The following PDZRN4 variants were observed in gnomAD, a reference collection of about 807,000 sequenced individuals.
PDZRN4 encodes the protein PDZ domain-containing RING finger protein 4.
PDZRN4 carries 70 observed loss-of-function variants against 99.0 expected under a neutral mutation model. The observed-to-expected ratio is 0.71, with a 90% CI of 0.58 to 0.86. The LOEUF is 0.86. Among genes scored for constraint, PDZRN4 ranks in the 40% least tolerant of loss-of-function variants. The pLI is 0.00. For synonymous variants in PDZRN4, 551 were observed against 501.6 expected, an observed-to-expected ratio of 1.10 and a Z score of -1.32; for missense variants, 1,474 against 1,331.2, an observed-to-expected ratio of 1.11 and a Z score of -1.67.
chr12:41,249,825 G>A (rs1951156337), intron 3 of PDZRN4, among the ~76,000 whole-genome samples: 1 of 152,176 alleles, frequency 6.6e-6, no homozygotes, highest in South Asian at 2.1e-4. Flanking sequence ...AAGAAGCAGA[G>A]TGCATTCGCA....
intron 3 of PDZRN4, among the ~76,000 whole-genome samples, chr12:41,271,161 C>A (rs1447183711): frequency 6.6e-6 from 1 of 151,642 alleles, no homozygotes; most frequent in East Asian, 1.9e-4. Context: ...ATTATTTTTT[C>A]TTGAATGACT....
chr12:41,568,395 G>A lies in PDZRN4; in HGVS notation c.1584+496G>A, dbSNP rs73115832. Among the ~76,000 whole-genome samples, 380 of 152,234 alleles carry A rather than the reference G, an allele frequency of 2.5e-3. 1 individual carries two copies. Among genetic ancestry groups the A allele is most frequent in the Non-Finnish European group, 3.6e-3 (246 of 68,022 alleles). On this transcript the variant is annotated intron_variant, in intron 9 of 9. Coordinates refer to ENST00000402685, the MANE Select transcript of PDZRN4 (RefSeq NM_001164595.2). ...TTACACCTGTATATTCTGAATAATCGTAGAGATTATCCTTGGTCTTATGGC... is the reference window on the plus strand; with the variant it reads ...TTACACCTGTATATTCTGAATAATCATAGAGATTATCCTTGGTCTTATGGC...
intron 1 of PDZRN4, among the ~76,000 whole-genome samples, chr12:41,189,849 C>CA: frequency 6.6e-6 from 1 of 152,146 alleles, no homozygotes; most frequent in Non-Finnish European, 1.5e-5. Context: ...CATCTGTGGT[C>CA]AGACCGGCCC....
chr12:41,204,316 C>A (rs992113790), intron 3 of PDZRN4, among the ~76,000 whole-genome samples: 18 of 151,862 alleles, frequency 1.2e-4, no homozygotes, highest in African/African-American at 3.6e-4. Flanking sequence ...GAGAGAAAGA[C>A]GGAGAGAGAC....
chr12:41,274,567 A>G (rs1053418686), intron 3 of PDZRN4, among the ~76,000 whole-genome samples: 1 of 152,164 alleles, frequency 6.6e-6, no homozygotes, highest in Admixed American at 6.6e-5. Flanking sequence ...GCCATTTTTA[A>G]ATACCAACTA....
chr12:41,365,369 T>G (rs956165619), intron 3 of PDZRN4, among the ~76,000 whole-genome samples: 6 of 151,508 alleles, frequency 4.0e-5, no homozygotes, highest in Middle Eastern at 3.4e-3. Flanking sequence ...ATAATGTGTG[T>G]TTTTTTTTAA....
At chr12:41,457,838 G>A (rs1472850069) in intron 3 of PDZRN4, among the ~76,000 whole-genome samples, 1 of 152,232 alleles carries the variant, frequency 6.6e-6, no homozygotes, top group Non-Finnish European at 1.5e-5. Flanking sequence ...TTTACTGAGT[G>A]TGAATGATTC....
At chr12:41,189,209 A>G in intron 1 of PDZRN4, 106 bp downstream of exon 1, 2 of 1,050,908 alleles carry the variant, frequency 1.9e-6, no homozygotes, top group Non-Finnish European at 1.4e-6. Flanking sequence ...ATCCTTCCTC[A>G]CTATGCAGCA....
intron 3 of PDZRN4, among the ~76,000 whole-genome samples, chr12:41,469,461 AC>A (rs1399217615): frequency 6.6e-6 from 1 of 152,226 alleles, no homozygotes; most frequent in East Asian, 1.9e-4. Flanking sequence ...TAAGTTAAAC[AC>A]AGTGACTTGT....
At chr12:41,334,939 T>A (rs986420091) in intron 3 of PDZRN4, among the ~76,000 whole-genome samples, 1 of 152,126 alleles carries the variant, frequency 6.6e-6, no homozygotes, top group South Asian at 2.1e-4. Flanking sequence ...TCTGTGACAG[T>A]CTTTTCTTTG....
chr12:41,466,872 C>A (rs923864259), intron 3 of PDZRN4, among the ~76,000 whole-genome samples: 1 of 151,658 alleles, frequency 6.6e-6, no homozygotes, highest in Non-Finnish European at 1.5e-5. Flanking sequence ...AAAAAGAATC[C>A]CACTATGCAC....
chr12:41,266,309 T>C (rs1466867436), intron 3 of PDZRN4, among the ~76,000 whole-genome samples: 1 of 1,900 alleles, frequency 5.3e-4, no homozygotes, highest in African/African-American at 1.6e-3. Context: ...AGACTCCGTC[T>C]CAAAAAAAAA....
chr12:41,546,299 G>A (rs1333717474), intron 5 of PDZRN4, among the ~76,000 whole-genome samples: 2 of 152,170 alleles, frequency 1.3e-5, no homozygotes, highest in Admixed American at 6.5e-5. Flanking sequence ...TCGGAACTCT[G>A]CCAATGCTTT....
At chr12:41,462,632 T>C (rs997154075) in intron 3 of PDZRN4, among the ~76,000 whole-genome samples, 5 of 152,250 alleles carry the variant, frequency 3.3e-5, no homozygotes, top group Non-Finnish European at 7.4e-5. Flanking sequence ...AGCCAACCTC[T>C]GAGAAAAAGG....
intron 3 of PDZRN4, among the ~76,000 whole-genome samples, chr12:41,438,688 T>C (rs1232411133): frequency 1.3e-5 from 2 of 152,196 alleles, no homozygotes; most frequent in Non-Finnish European, 2.9e-5. Flanking sequence ...TGTATAAATT[T>C]AGATGTCTCT....
At chr12:41,508,001 C>T (rs967996667) in intron 4 of PDZRN4, among the ~76,000 whole-genome samples, 4 of 152,118 alleles carry the variant, frequency 2.6e-5, no homozygotes, top group African/African-American at 9.7e-5. Context: ...CAAATACTTC[C>T]TTGAATGAAT....
At chr12:41,550,897 A>G (rs1412937134) in intron 5 of PDZRN4, among the ~76,000 whole-genome samples, 2 of 152,206 alleles carry the variant, frequency 1.3e-5, no homozygotes, top group African/African-American at 2.4e-5. Context: ...TTCAAATACA[A>G]AATTGAAAAG....
At chr12:41,218,391 T>C (rs750758520) in intron 3 of PDZRN4, among the ~76,000 whole-genome samples, 2 of 152,096 alleles carry the variant, frequency 1.3e-5, no homozygotes, top group Non-Finnish European at 2.9e-5. Flanking sequence ...GCAGGCCTGA[T>C]CACTGACTAT....
chr12:41,388,921 T>C (rs909471547), intron 3 of PDZRN4, among the ~76,000 whole-genome samples: 3 of 152,210 alleles, frequency 2.0e-5, no homozygotes, highest in African/African-American at 4.8e-5. Context: ...TCTTCATGTA[T>C]ACTCATGGTA....
Sources: gnomAD v4.1 joint callset for allele counts (sites outside exome capture counted in the v4.1 genomes callset) on GRCh38, gnomAD v4.1.1 for gene constraint, MANE v1.5 for transcripts, NCBI Gene and HGNC (gene_info 2026-07-23, HGNC 2026-07-21) for gene names.